The following RAE1 variants were observed in gnomAD, a reference collection of about 807,000 sequenced individuals.
RAE1 encodes the protein ribonucleic acid export 1.
Under a neutral mutation model 52.7 loss-of-function variants are expected in RAE1, and 13 were observed. That is an observed-to-expected ratio of 0.25 (90% CI 0.16 to 0.39). The LOEUF is 0.39. RAE1 is among the 10% of genes least tolerant of loss of function. The pLI, the probability that RAE1 is intolerant of heterozygous loss-of-function variation, is 1.00. For missense variants in RAE1, 262 were observed against 459.8 expected (o/e 0.57, Z 3.93); for synonymous variants, 164 against 153.1 (o/e 1.07, Z -0.52).
intron 4 of RAE1, among the ~76,000 whole-genome samples, chr20:57,360,142 G>A (rs1461431280): frequency 6.6e-6 from 1 of 152,096 alleles, no homozygotes; most frequent in African/African-American, 2.4e-5. Context: ...ATCAGTAATA[G>A]TGATTTCTAG....
intron 3 of RAE1, 108 bp from the exon 4 acceptor site, chr20:57,356,338 A>G (rs988766214): frequency 5.8e-6 from 4 of 685,302 alleles, no homozygotes; most frequent in Non-Finnish European, 2.4e-6. Context: ...TTAGGTTGCT[A>G]TGAGAAGTCT....
intron 1 of RAE1, 57 bp downstream of exon 1, chr20:57,351,479 G>A (rs998512727): frequency 1.2e-5 from 12 of 985,460 alleles, no homozygotes; most frequent in Non-Finnish European, 1.4e-5. Context: ...TCCCGCAGAG[G>A]CCGAGTTGCC....
Position 57,378,211 on chromosome 20 carries a change from C to A in RAE1, c.*112C>A. The A allele has an allele frequency of 1.1e-6, 1 of 875,802 alleles. No individual in the cohort carries two copies. Among genetic ancestry groups the A allele is most frequent in the Non-Finnish European group, 1.7e-6 (1 of 582,398 alleles). The allele number at this position is 875,802 out of a possible 1,614,324, so 54.3% of individuals were successfully genotyped here. On this transcript the variant is annotated 3_prime_UTR_variant, in exon 12 of 12. Coordinates refer to ENST00000395841, the MANE Select transcript of RAE1 (RefSeq NM_003610.4). ...GTCAGCCATGGACATGGATTTCAAC[C>A]CCTGGAGAAAACGATGTCATTGTTC...
rs1241810610 is a variant in RAE1, at chr20:57,351,415, A to AC, written c.-10dup. On this transcript the variant is annotated 5_prime_UTR_variant, in exon 1 of 12. Coordinates refer to ENST00000395841, the MANE Select transcript of RAE1 (RefSeq NM_003610.4). ...GGCCGCCGCTTTCCGCCGGGGCGAG[A>AC]CCCCCAGGTAGGCCCCGTGCCGCGC... 1.0e-6 allele frequency: 1 copy of AC among 984,992 alleles called. No individual in the cohort carries two copies. The highest frequency in any genetic ancestry group is 1.2e-6 in the Non-Finnish European group (1 of 829,922). The allele number at this position is 984,992 out of a possible 1,614,324, so 61.0% of individuals were successfully genotyped here.
chr20:57,355,966 C>T (rs74829277), intron 3 of RAE1, among the ~76,000 whole-genome samples: 6,059 of 152,148 alleles, frequency 0.04, 180 homozygotes, highest in African/African-American at 0.089. Context: ...AGAAAATATG[C>T]GTACATGGAA....
At chr20:57,354,273 G>A (rs2066752403) in intron 2 of RAE1, 145 bp downstream of exon 2, 4 of 677,248 alleles carry the variant, frequency 5.9e-6, no homozygotes, top group Non-Finnish European at 9.9e-6. Flanking sequence ...AAACACTGGA[G>A]CACAGAAAAT....
chr20:57,357,003 C>T (rs2066798546), intron 4 of RAE1, among the ~76,000 whole-genome samples: 1 of 151,814 alleles, frequency 6.6e-6, no homozygotes, highest in South Asian at 2.1e-4. Flanking sequence ...CTGCTGGTGG[C>T]TGAACCCAAC....
chr20:57,352,919 G>A (rs547140884), intron 1 of RAE1, among the ~76,000 whole-genome samples: 33 of 152,314 alleles, frequency 2.2e-4, no homozygotes, highest in African/African-American at 7.5e-4. Flanking sequence ...AAGTGTGGCC[G>A]GCAAGGACCA....
intron 8 of RAE1, among the ~76,000 whole-genome samples, chr20:57,370,533 T>G (rs946915060): frequency 6.6e-6 from 1 of 152,116 alleles, no homozygotes. Flanking sequence ...CGTACCTCAT[T>G]CCTGTGCTCC....
intron 4 of RAE1, among the ~76,000 whole-genome samples, chr20:57,361,201 T>G (rs994731107): frequency 6.6e-6 from 1 of 152,170 alleles, no homozygotes; most frequent in Non-Finnish European, 1.5e-5. Context: ...TTATTCATAA[T>G]TAGAGTATGG....
rs2066789259 is a variant in RAE1 at position 57,356,499 on chromosome 20, G to T, written c.249G>T (p.Gln83His). ...DSGQTIPKAQ[Q>H]MHTGPVLDVC... Reference sequence around the variant, plus strand: ...GACAGACCATTCCAAAAGCCCAGCAGATGCACACTGGGCCTGTGCTTGATG... The same window carrying T: ...GACAGACCATTCCAAAAGCCCAGCATATGCACACTGGGCCTGTGCTTGATG... The change falls in exon 4 of 12, where the codon CAG becomes CAT. Residue 83 changes from glutamine (Q) to histidine (H), a missense_variant. By Grantham distance (24) the Gln-to-His change is conservative. Transcript: ENST00000395841. 6.2e-7 allele frequency: 1 copy of T among 1,613,386 alleles called. No homozygotes were observed. Among genetic ancestry groups the T allele is most frequent in the South Asian group, 1.1e-5 (1 of 90,970 alleles).
intron 4 of RAE1, among the ~76,000 whole-genome samples, chr20:57,361,529 A>T (rs894879935): frequency 2.0e-5 from 3 of 152,184 alleles, no homozygotes; most frequent in African/African-American, 7.2e-5. Flanking sequence ...ATTCGGAAAT[A>T]GTTCTTGAAA....
At chr20:57,365,720 A>AG (rs1427659794) in intron 5 of RAE1, among the ~76,000 whole-genome samples, 5 of 152,324 alleles carry the variant, frequency 3.3e-5, no homozygotes, top group African/African-American at 9.6e-5. Flanking sequence ...TATGAAAGAC[A>AG]GGTCATAGGT....
intron 3 of RAE1, among the ~76,000 whole-genome samples, 171 bp downstream of exon 3, chr20:57,354,987 AC>A (rs1399876529): frequency 6.6e-6 from 1 of 152,194 alleles, no homozygotes; most frequent in East Asian, 1.9e-4. Flanking sequence ...CATTATTCTT[AC>A]ACCCGTTTTT....
chr20:57,365,235 CA>C (rs2066938426), intron 4 of RAE1, 120 bp from the exon 5 acceptor site: 1 of 630,628 alleles, frequency 1.6e-6, no homozygotes, highest in South Asian at 2.6e-5. Flanking sequence ...GGTCCCCAAA[CA>C]ATTGGAAAAA....
intron 1 of RAE1, 136 bp from the exon 2 acceptor site, chr20:57,353,896 T>G: frequency 1.5e-6 from 1 of 689,388 alleles, no homozygotes; most frequent in Non-Finnish European, 2.5e-6. Flanking sequence ...CTCTGCTCAT[T>G]GCGCTCTTGT....
chr20:57,368,822 T>A lies in RAE1; in HGVS notation c.642+10T>A. The A allele has an allele frequency of 1.3e-6, 2 of 1,594,308 alleles. No homozygotes were observed. Among genetic ancestry groups the A allele is most frequent in the Non-Finnish European group, 1.7e-6 (2 of 1,163,872 alleles). On this transcript the variant is annotated intron_variant, in intron 8 of 11. Coordinates refer to ENST00000395841, the MANE Select transcript of RAE1 (RefSeq NM_003610.4). ...TCCACTGAAACATCAGGTGCGTCATTAGTCAAATCAAGAAGTATGTATTTA... is the reference window on the plus strand; with the variant it reads ...TCCACTGAAACATCAGGTGCGTCATAAGTCAAATCAAGAAGTATGTATTTA...
intron 8 of RAE1, chr20:57,371,747 T>G (rs1048639033): frequency 1.3e-5 from 2 of 152,256 alleles, no homozygotes; most frequent in African/African-American, 4.8e-5. Context: ...AAGAGAGACC[T>G]GTACTGCTAG....
intron 3 of RAE1, among the ~76,000 whole-genome samples, chr20:57,355,031 A>T (rs1309299975): frequency 6.6e-6 from 1 of 152,216 alleles, no homozygotes; most frequent in Non-Finnish European, 1.5e-5. Context: ...TGTTGCTCGA[A>T]ATTTTCTACT....
Sources: gnomAD v4.1 joint callset for allele counts (sites outside exome capture counted in the v4.1 genomes callset) on GRCh38, gnomAD v4.1.1 for gene constraint, MANE v1.5 for transcripts, NCBI Gene and HGNC (gene_info 2026-07-23, HGNC 2026-07-21) for gene names.